Variants in XKR9 observed in about 807,000 individuals in gnomAD.
XKR9 encodes XK-related protein 9.
A neutral mutation model predicts 32.0 loss-of-function variants in XKR9; 32 were observed. The ratio of observed to expected loss-of-function variants is 1.00; its 90% CI spans 0.76 to 1.34. XKR9 has a LOEUF of 1.34. XKR9 is among the 40% of genes most tolerant of loss of function. The probability of loss-of-function intolerance (pLI) is 0.00; values close to 1 mark genes in which losing one functional copy is unlikely to be tolerated. For missense variants in XKR9, 546 were observed against 429.7 expected, an observed-to-expected ratio of 1.27 and a Z score of -2.39; for synonymous variants, 168 against 143.4, an observed-to-expected ratio of 1.17 and a Z score of -1.22.
chr8:70,754,885 A>C (rs1473972661), intron 2 of XKR9, among the ~76,000 whole-genome samples: 4 of 152,172 alleles, frequency 2.6e-5, no homozygotes, highest in Non-Finnish European at 5.9e-5. Context: ...ACCAAAAGCA[A>C]TGGCAACAAA....
the XKR9 span, among the ~76,000 whole-genome samples, chr8:70,907,490 C>G: frequency 6.6e-6 from 1 of 152,142 alleles, no homozygotes; most frequent in South Asian, 2.1e-4. Flanking sequence ...ATTTAGAATT[C>G]TGCCCACTTT....
At chr8:70,798,308 T>C in the XKR9 span, among the ~76,000 whole-genome samples, 2 of 152,216 alleles carry the variant, frequency 1.3e-5, no homozygotes. Flanking sequence ...TGATGATTAG[T>C]GATGTTGAGC....
At chr8:70,775,776 G>A (rs1286834998) in intron 2 of XKR9, among the ~76,000 whole-genome samples, 1 of 149,846 alleles carries the variant, frequency 6.7e-6, no homozygotes, top group African/African-American at 2.5e-5. Flanking sequence ...CAAGGTCTAA[G>A]TCTTGCTCTG....
At chr8:70,929,805 G>A in the XKR9 span, among the ~76,000 whole-genome samples, 1 of 152,132 alleles carries the variant, frequency 6.6e-6, no homozygotes, top group Non-Finnish European at 1.5e-5. Flanking sequence ...TGTTTTCAAA[G>A]GGCTCACTTG....
the XKR9 span, among the ~76,000 whole-genome samples, chr8:71,053,797 C>CA: frequency 2.0e-5 from 3 of 152,210 alleles, no homozygotes; most frequent in African/African-American, 7.2e-5. Flanking sequence ...TAGTGGAACA[C>CA]AGGGAAGTGA....
the XKR9 span, among the ~76,000 whole-genome samples, chr8:70,807,719 T>C: frequency 4.6e-5 from 7 of 152,192 alleles, no homozygotes; most frequent in Non-Finnish European, 7.4e-5. Flanking sequence ...CTAACTATTC[T>C]AAATATATAT....
the XKR9 span, among the ~76,000 whole-genome samples, chr8:71,054,654 T>C: frequency 2.6e-5 from 4 of 152,302 alleles, no homozygotes; most frequent in South Asian, 8.3e-4. Flanking sequence ...GTTTGTAAGG[T>C]CCCAGGGGCA....
rs1240125434 is a variant in XKR9, at chr8:70,735,791, A to G, written c.*1367A>G. On this transcript the variant is annotated 3_prime_UTR_variant, in exon 5 of 5. Transcript: ENST00000408926. ...ATCCATGTCCCTACAAAGGACATGA[A>G]CTCATCATTTTTTATGGCTGCATAG... The G allele has an allele frequency of 1.3e-5, 2 of 151,596 alleles. No individual in the cohort carries two copies. The highest frequency in any genetic ancestry group is 4.9e-5 in the African/African-American group (2 of 41,208). The allele number at this position is 151,596 out of a possible 1,614,324, so 9.4% of individuals were successfully genotyped here.
the XKR9 span, among the ~76,000 whole-genome samples, chr8:70,924,606 C>T: frequency 6.6e-6 from 1 of 152,290 alleles, no homozygotes; most frequent in Non-Finnish European, 1.5e-5. Flanking sequence ...CTGCTTCTTT[C>T]CTTTCTCCAC....
the XKR9 span, among the ~76,000 whole-genome samples, chr8:70,918,285 TG>T: frequency 6.6e-6 from 1 of 152,038 alleles, no homozygotes; most frequent in African/African-American, 2.4e-5. Context: ...CCAACAAAGA[TG>T]GGTGCATGTA....
chr8:70,724,421 C>T (rs1321958180), intron 4 of XKR9, among the ~76,000 whole-genome samples: 1 of 103,360 alleles, frequency 9.7e-6, no homozygotes, highest in Non-Finnish European at 2.1e-5. Flanking sequence ...CCAAGTGCCA[C>T]TGGGGTAGGA....
At chr8:70,811,589 TA>T in the XKR9 span, among the ~76,000 whole-genome samples, 14 of 151,678 alleles carry the variant, frequency 9.2e-5, no homozygotes, top group Admixed American at 9.2e-4. Flanking sequence ...ATAGACACAA[TA>T]AAAAATGATA....
chr8:70,858,190 A>G, the XKR9 span, among the ~76,000 whole-genome samples: 221 of 152,326 alleles, frequency 1.5e-3, no homozygotes, highest in Admixed American at 3.7e-3. Flanking sequence ...CTGTTTTCAG[A>G]TGACATGATT....
the XKR9 span, among the ~76,000 whole-genome samples, chr8:70,840,667 A>G: frequency 6.6e-6 from 1 of 152,184 alleles, no homozygotes; most frequent in East Asian, 1.9e-4. Context: ...CTCACTCCAT[A>G]CCCTAAAATC....
chr8:70,862,529 C>A, the XKR9 span, among the ~76,000 whole-genome samples: 1 of 128,638 alleles, frequency 7.8e-6, no homozygotes, highest in Non-Finnish European at 1.6e-5. Flanking sequence ...TGTAATTGTT[C>A]TTTAAAACAC....
the XKR9 span, among the ~76,000 whole-genome samples, chr8:70,905,481 A>G: frequency 5.9e-5 from 9 of 152,104 alleles, no homozygotes; most frequent in African/African-American, 1.9e-4. Context: ...AGGTCATTTA[A>G]GGTCTTCTCT....
At chr8:70,709,389 A>G (rs1805830469) in intron 4 of XKR9, among the ~76,000 whole-genome samples, 1 of 152,162 alleles carries the variant, frequency 6.6e-6, no homozygotes, top group Admixed American at 6.5e-5. Context: ...TGAGAACTGG[A>G]ACAAGACAAG....
At chr8:70,797,269 C>T in the XKR9 span, among the ~76,000 whole-genome samples, 1 of 152,156 alleles carries the variant, frequency 6.6e-6, no homozygotes, top group South Asian at 2.1e-4. Flanking sequence ...GAGGGTGTCA[C>T]CTGGCTGAGA....
At chr8:70,832,387 A>T in the XKR9 span, among the ~76,000 whole-genome samples, 2 of 152,212 alleles carry the variant, frequency 1.3e-5, no homozygotes, top group Non-Finnish European at 2.9e-5. Context: ...AATAGACACA[A>T]ATAACGTTTT....
Sources: gnomAD v4.1 joint callset for allele counts (sites outside exome capture counted in the v4.1 genomes callset) on GRCh38, gnomAD v4.1.1 for gene constraint, MANE v1.5 for transcripts, NCBI Gene and HGNC (gene_info 2026-07-23, HGNC 2026-07-21) for gene names.